The following GABRR2 variants were observed in gnomAD, a reference collection of about 807,000 sequenced individuals.
The protein encoded by GABRR2 is gamma-aminobutyric acid receptor subunit rho-2.
In GABRR2, 36 loss-of-function variants were observed where a neutral mutation model predicts 47.0. That is an observed-to-expected ratio of 0.77 (90% confidence interval 0.59 to 1.01). The LOEUF is 1.01. Among genes scored for constraint, GABRR2 ranks in the 50% least tolerant of loss-of-function variants. The pLI is 0.00. For missense variants in GABRR2, 587 were observed against 594.6 expected (o/e 0.99, Z 0.13); for synonymous variants, 204 against 227.5 (o/e 0.90, Z 0.93).
chr6:89,302,974 G>A (rs1562388991), intron 1 of GABRR2: 3 of 1,300,624 alleles, frequency 2.3e-6, no homozygotes, highest in African/African-American at 1.5e-5. Flanking sequence ...GGGCATGGAC[G>A]AGATGGAGAT....
At chr6:89,297,923 A>G (rs1774585225) in intron 2 of GABRR2, among the ~76,000 whole-genome samples, 2 of 152,320 alleles carry the variant, frequency 1.3e-5, no homozygotes, top group South Asian at 4.1e-4. Context: ...GTACGCCTCT[A>G]TGCTCTTAAC....
chr6:89,281,509 A>C (rs141954559), intron 2 of GABRR2, among the ~76,000 whole-genome samples: 3 of 152,146 alleles, frequency 2.0e-5, no homozygotes, highest in African/African-American at 7.2e-5. Flanking sequence ...TGTGATGAGC[A>C]TAAGTGTAGT....
chr6:89,280,603 T>G (rs934955171), intron 2 of GABRR2, among the ~76,000 whole-genome samples: 2 of 152,162 alleles, frequency 1.3e-5, no homozygotes, highest in Admixed American at 1.3e-4. Flanking sequence ...AACTGTCTCC[T>G]GGCCCTGGGC....
rs545955379 is a variant in GABRR2, at chr6:89,297,783, G to A, written c.220+1976C>T. ...GAGGAGAATCGCTTGAACCTGAGAG[G>A]CAGAGGTTGCAGTGAGCTGAGATTG... On this transcript the variant is annotated intron_variant, in intron 2 of 8. Transcript: ENST00000402938. Among the ~76,000 whole-genome samples, 292 of 152,270 alleles carry A rather than the reference G, an allele frequency of 1.9e-3. 1 individual carries two copies. Among genetic ancestry groups the A allele is most frequent in the African/African-American group, 6.6e-3 (274 of 41,544 alleles).
chr6:89,312,406 G>T (rs138306979), intron 1 of GABRR2, among the ~76,000 whole-genome samples: 1 of 152,190 alleles, frequency 6.6e-6, no homozygotes, highest in East Asian at 1.9e-4. Flanking sequence ...TGCCTTGGCT[G>T]GGGTGAGGCA....
chr6:89,294,644 C>CTT (rs879601737), intron 2 of GABRR2, among the ~76,000 whole-genome samples: 1 of 144,644 alleles, frequency 6.9e-6, no homozygotes, highest in Admixed American at 6.9e-5. Context: ...CCAGGCTCTA[C>CTT]TTTTTTTTTT....
At chr6:89,299,663 T>C in intron 2 of GABRR2, 96 bp downstream of exon 2, 1 of 772,496 alleles carries the variant, frequency 1.3e-6, no homozygotes, top group Non-Finnish European at 2.2e-6. Context: ...AATTGCACCA[T>C]CTGAGGAAGC....
chr6:89,277,283 A>C (rs1582448024), intron 2 of GABRR2, among the ~76,000 whole-genome samples: 1 of 152,138 alleles, frequency 6.6e-6, no homozygotes, highest in African/African-American at 2.4e-5. Flanking sequence ...CTTCTCCTTC[A>C]CCTTCTGCCC....
At chr6:89,295,246 C>G (rs1026456884) in intron 2 of GABRR2, among the ~76,000 whole-genome samples, 1 of 152,214 alleles carries the variant, frequency 6.6e-6, no homozygotes, top group Non-Finnish European at 1.5e-5. Flanking sequence ...AACTAGTCTA[C>G]AGTCCCACCA....
At chr6:89,266,306 T>A (rs1773893910) in intron 6 of GABRR2, among the ~76,000 whole-genome samples, 1 of 152,234 alleles carries the variant, frequency 6.6e-6, no homozygotes, top group South Asian at 2.1e-4. Context: ...TGTTCTGTAT[T>A]TGTAATTTGC....
intron 2 of GABRR2, among the ~76,000 whole-genome samples, chr6:89,272,433 C>T (rs562731023): frequency 3.3e-5 from 5 of 152,316 alleles, no homozygotes; most frequent in East Asian, 1.9e-4. Context: ...GTGATGGTTA[C>T]GTAGATAAGT....
At chr6:89,302,808 A>T in intron 1 of GABRR2, 1 of 1,427,434 alleles carries the variant, frequency 7.0e-7, no homozygotes, top group South Asian at 1.1e-5. Context: ...CCCCAACAAC[A>T]TGAAGGTGGA....
intron 2 of GABRR2, among the ~76,000 whole-genome samples, chr6:89,296,709 C>G (rs112188371): frequency 2.6e-5 from 4 of 152,244 alleles, no homozygotes; most frequent in African/African-American, 4.8e-5. Flanking sequence ...AAGGAGTCCA[C>G]TTTCCTCCTG....
intron 4 of GABRR2, among the ~76,000 whole-genome samples, chr6:89,268,657 G>T (rs1348513032): frequency 0.051 from 366 of 7,132 alleles, 5 homozygotes; most frequent in African/African-American, 0.22. Flanking sequence ...TTTGGGGGAC[G>T]GGGGGGGGCT....
intron 2 of GABRR2, among the ~76,000 whole-genome samples, chr6:89,273,537 A>G (rs921269779): frequency 6.6e-6 from 1 of 152,158 alleles, no homozygotes; most frequent in Non-Finnish European, 1.5e-5. Context: ...ACCGGCCTGC[A>G]TTCTCTTTTT....
At chr6:89,265,584 C>A in intron 7 of GABRR2, 29 bp downstream of exon 7, 1 of 1,582,610 alleles carries the variant, frequency 6.3e-7, no homozygotes, top group African/African-American at 1.4e-5. Flanking sequence ...AAAATAACCA[C>A]CCTACCACAC....
intron 8 of GABRR2, among the ~76,000 whole-genome samples, chr6:89,258,811 G>T (rs1222789412): frequency 6.7e-6 from 1 of 149,440 alleles, no homozygotes; most frequent in East Asian, 2.0e-4. Context: ...CAAGGGTCAT[G>T]GTATCTGCAA....
At chr6:89,297,962 T>C (rs912979) in intron 2 of GABRR2, among the ~76,000 whole-genome samples, 142,131 of 152,350 alleles carry the variant, frequency 0.93, 66,415 homozygotes, top group East Asian at 1. Context: ...GTGGAGCTTC[T>C]TGCTTTTGGG....
chr6:89,293,364 G>A (rs1403387908), intron 2 of GABRR2, among the ~76,000 whole-genome samples: 1 of 152,170 alleles, frequency 6.6e-6, no homozygotes, highest in Non-Finnish European at 1.5e-5. Context: ...AAAAAGTTCT[G>A]GAGATGGATG....
Sources: allele counts gnomAD v4.1 joint callset (sites outside exome capture counted in the v4.1 genomes callset), GRCh38; gene constraint gnomAD v4.1.1; transcripts MANE v1.5; gene names NCBI Gene and HGNC (gene_info 2026-07-23, HGNC 2026-07-21).